VCAN: variants seen among roughly 807,000 people sequenced by gnomAD.
VCAN encodes versican, also known as versican core protein.
A neutral mutation model predicts 245.5 loss-of-function variants in VCAN; 44 were observed. The observed-to-expected ratio is 0.18, with a 90% CI of 0.14 to 0.23. VCAN has a LOEUF of 0.23. VCAN is among the 10% of genes least tolerant of loss of function. The probability of loss-of-function intolerance (pLI) is 1.00; values close to 1 mark genes in which losing one functional copy is unlikely to be tolerated. For synonymous variants in VCAN, 1,413 were observed against 1,437.0 expected, an observed-to-expected ratio of 0.98 and a Z score of 0.38; for missense variants, 3,793 against 4,057.9, an observed-to-expected ratio of 0.93 and a Z score of 1.77.
At chr5:83,494,075 T>TA in intron 5 of VCAN, 144 bp downstream of exon 5, 2 of 1,395,506 alleles carry the variant, frequency 1.4e-6, no homozygotes, top group South Asian at 2.4e-5. Context: ...GATTTTGTGG[T>TA]AAAATAAGCC....
At chr5:83,562,632 T>C (rs1244793918) in intron 12 of VCAN, among the ~76,000 whole-genome samples, 1 of 150,934 alleles carries the variant, frequency 6.6e-6, no homozygotes, top group Non-Finnish European at 1.5e-5. Context: ...GCTAATTAGT[T>C]TAAGGCAATG....
chr5:83,560,187 C>T (rs1454203020), intron 12 of VCAN, among the ~76,000 whole-genome samples: 1 of 152,082 alleles, frequency 6.6e-6, no homozygotes, highest in Non-Finnish European at 1.5e-5. Context: ...AGTAAACTTT[C>T]AACCTCTGCC....
At chr5:83,504,973 A>G (rs1362882399) in intron 5 of VCAN, among the ~76,000 whole-genome samples, 4 of 152,136 alleles carry the variant, frequency 2.6e-5, no homozygotes, top group Admixed American at 6.5e-5. Context: ...TGATAAACCC[A>G]TTAGATCTCA....
chr5:83,556,820 G>A (rs1747686257), intron 12 of VCAN, among the ~76,000 whole-genome samples: 1 of 152,042 alleles, frequency 6.6e-6, no homozygotes, highest in Non-Finnish European at 1.5e-5. Context: ...TATATTATAA[G>A]CTGTTTTTAT....
At chr5:83,555,081 A>G in intron 12 of VCAN, 43 bp downstream of exon 12, 1 of 1,601,752 alleles carries the variant, frequency 6.2e-7, no homozygotes. Flanking sequence ...ACCTTCTGGA[A>G]ATTTGGTACT....
In VCAN at chr5:83,573,913, A is replaced by G. The variant is rs78570934; in HGVS notation, c.9880+1353A>G. On this transcript the variant is annotated intron_variant, in intron 13 of 14. Transcript: ENST00000265077. ...TCTTGAGAAATTTTATCTTTCATAA[A>G]TGGAGATGTATAAAAGAACATCTCT... Among the ~76,000 whole-genome samples the G allele has an allele frequency of 4.9e-3, 750 of 152,350 alleles. 5 individuals are homozygous for G. Among genetic ancestry groups the G allele is most frequent in the African/African-American group, 0.018 (728 of 41,578 alleles).
In VCAN at chr5:83,529,988, A is replaced by G. The variant is rs1387843089; in HGVS notation, c.4004-7019A>G. 3.3e-5 allele frequency among the ~76,000 whole-genome samples: 5 copies of G among 152,180 alleles called. No individual in the cohort carries two copies. In the East Asian group the frequency reaches 7.7e-4, roughly 23 times the overall value. On this transcript the variant is annotated intron_variant, in intron 7 of 14. Transcript: ENST00000265077. ...AGATCATTTATGCCACAAGAAGCCA[A>G]GTATAATTGTACTTTAGTGTCTGCT... is the stretch of plus-strand genomic sequence containing the variant.
chr5:83,538,587 G>T lies in VCAN; in HGVS notation c.5584G>T (p.Ala1862Ser). 6.2e-7 allele frequency: 1 copy of T among 1,614,006 alleles called. No individual in the cohort carries two copies. The highest frequency in any genetic ancestry group is 8.5e-7 in the Non-Finnish European group (1 of 1,179,942). The change falls in exon 8 of 15, where the codon GCC becomes TCC. Residue 1862 changes from alanine to serine, a missense_variant. Ala to Ser is a moderately conservative substitution (Grantham distance 99). Transcript: ENST00000265077. ...ATTAAACGTAGAGTATGCAATTCAA[G>T]CCGAAAAGGAAGTAGCTGGCACTTT... ...FSLNVEYAIQAEKEVAGTLSP... is the reference protein window; with the variant it reads ...FSLNVEYAIQSEKEVAGTLSP...
At chr5:83,545,223 A>G (rs1275322341) in intron 8 of VCAN, among the ~76,000 whole-genome samples, 1 of 152,210 alleles carries the variant, frequency 6.6e-6, no homozygotes, top group Non-Finnish European at 1.5e-5. Flanking sequence ...ATTTTTGACT[A>G]AAATCAATTG....
Position 83,541,056 on chromosome 5 carries a change from GT to G in VCAN, c.8057del (p.Leu2686TyrfsTer24). The G allele has an allele frequency of 6.2e-7, 1 of 1,614,006 alleles. No individual in the cohort carries two copies. Among genetic ancestry groups the G allele is most frequent in the Non-Finnish European group, 8.5e-7 (1 of 1,179,980 alleles). On this transcript the variant is annotated frameshift_variant, in exon 8 of 15. Transcript: ENST00000265077. LOFTEE classifies it high-confidence loss of function. ...TCCTAGCACAGAAACAGAATTAGAC[GT>G]TTTACTTCCCACGGCAACATCCCTG... ...PAPSTETELD[V>X]LLPTATSLPI... is the part of the protein sequence containing the mutation.
At chr5:83,544,527 A>T (rs867139927) in intron 8 of VCAN, among the ~76,000 whole-genome samples, 3 of 152,286 alleles carry the variant, frequency 2.0e-5, no homozygotes, top group Middle Eastern at 3.4e-3. Context: ...TAATTATTTC[A>T]GGGTTTCAGG....
At chr5:83,568,178 T>C (rs1748156767) in intron 12 of VCAN, among the ~76,000 whole-genome samples, 1 of 152,152 alleles carries the variant, frequency 6.6e-6, no homozygotes, top group African/African-American at 2.4e-5. Context: ...TAAATAAGGC[T>C]GTAAAGAATT....
intron 5 of VCAN, among the ~76,000 whole-genome samples, chr5:83,504,447 A>G (rs1338597973): frequency 6.8e-6 from 1 of 147,846 alleles, no homozygotes; most frequent in Admixed American, 6.8e-5. Context: ...CAGTGGCATG[A>G]TCTCAGCTCA....
rs891384790 is a variant in VCAN at position 83,539,002 on chromosome 5, C to G, written c.5999C>G (p.Pro2000Arg). The G allele has an allele frequency of 6.2e-7, 1 of 1,614,000 alleles. No homozygotes were observed. Among genetic ancestry groups the G allele is most frequent in the Non-Finnish European group, 8.5e-7 (1 of 1,179,956 alleles). The change falls in exon 8 of 15, where the codon CCC (proline) becomes CGC (arginine). Residue 2000 changes from proline (P) to arginine (R), a missense_variant. This residue lies in a region of VCAN where 3,182 missense variants were observed against 3,250.3 expected (regional missense o/e 0.98). Transcript: ENST00000265077. Reference protein sequence around the residue: ...SSTMVSTSAFPWEEFTSSAEG... With the variant: ...SSTMVSTSAFRWEEFTSSAEG... The stretch of plus-strand genomic sequence containing the variant: ...ACCATGGTCAGCACTTCAGCCTTCC[C>G]CTGGGAAGAGTTTACATCCTCAGCT...
intron 5 of VCAN, among the ~76,000 whole-genome samples, chr5:83,498,165 G>A (rs185503815): frequency 2.6e-5 from 4 of 152,076 alleles, no homozygotes; most frequent in Non-Finnish European, 5.9e-5. Context: ...ACTTTGACAG[G>A]CCTATACTGT....
rs1561250554 is a variant in VCAN at position 83,530,813 on chromosome 5, A to AT, written c.4004-6194_4004-6193insT. On this transcript the variant is annotated intron_variant, in intron 7 of 14. Transcript: ENST00000265077. ...TTTTCATTTCTATAGAAGTATTTGAACTTTTTTTACAACCTAATTGAGGTG... is the reference window on the plus strand; with the variant it reads ...TTTTCATTTCTATAGAAGTATTTGAATCTTTTTTTACAACCTAATTGAGGTG... Among the ~76,000 whole-genome samples the AT allele has an allele frequency of 7.2e-3, 1,102 of 152,024 alleles. 16 individuals carry two copies. Among genetic ancestry groups the AT allele is most frequent in the African/African-American group, 0.025 (1,045 of 41,464 alleles).
At chr5:83,475,305 T>G (rs1744348296) in intron 1 of VCAN, among the ~76,000 whole-genome samples, 1 of 152,174 alleles carries the variant, frequency 6.6e-6, no homozygotes, top group South Asian at 2.1e-4. Context: ...AGAGCTGCAT[T>G]TTAAGTCCTC....
chr5:83,498,726 A>T lies in VCAN; in HGVS notation c.748+4795A>T, dbSNP rs570752569. Among the ~76,000 whole-genome samples, 7 of 152,322 alleles carry T rather than the reference A, an allele frequency of 4.6e-5. No individual in the cohort carries two copies. In the South Asian group the frequency reaches 1.4e-3, roughly 32 times the overall value. ...GCTCCTGAATTCTTTTCTGAATTTC[A>T]TACCCATATTTCTAGTTTGTGAATC... On this transcript the variant is annotated intron_variant, in intron 5 of 14. Coordinates refer to ENST00000265077, the MANE Select transcript of VCAN (RefSeq NM_004385.5).
At chr5:83,511,624 T>C (rs1745662668) in intron 5 of VCAN, among the ~76,000 whole-genome samples, 1 of 151,916 alleles carries the variant, frequency 6.6e-6, no homozygotes, top group Admixed American at 6.6e-5. Flanking sequence ...TAGTTATAAA[T>C]GAGAAGGAAG....
Sources: allele counts gnomAD v4.1 joint callset (sites outside exome capture counted in the v4.1 genomes callset), GRCh38; gene constraint gnomAD v4.1.1; regional missense constraint gnomAD v4.1.1; transcripts MANE v1.5; gene names NCBI Gene and HGNC (gene_info 2026-07-23, HGNC 2026-07-21).